The following GPM6A variants were observed in gnomAD, a reference collection of about 807,000 sequenced individuals.
GPM6A encodes glycoprotein M6A, also known as neuronal membrane glycoprotein M6-a.
A neutral mutation model predicts 32.1 loss-of-function variants in GPM6A; 7 were observed. The observed-to-expected ratio is 0.22, with a 90% CI of 0.12 to 0.41. GPM6A has a LOEUF of 0.41. Among genes scored for constraint, GPM6A ranks in the 10% least tolerant of loss-of-function variants. The probability of loss-of-function intolerance (pLI) is 1.00; values close to 1 mark genes in which losing one functional copy is unlikely to be tolerated. For synonymous variants in GPM6A, 130 were observed against 123.4 expected (o/e 1.05, Z -0.35); for missense variants, 235 against 347.2 (o/e 0.68, Z 2.57).
In GPM6A at chr4:175,750,967, C is replaced by T. The variant is rs117136847; in HGVS notation, c.38-49200G>A. The stretch of plus-strand genomic sequence containing the variant: ...TATAATTATAATCTTCAGGGAAATT[C>T]GTTTATTCGCAGATAAAGTATATGT... On this transcript the variant is annotated intron_variant, in intron 1 of 6. Coordinates refer to ENST00000393658, the MANE Select transcript of GPM6A (RefSeq NM_201591.3). Among the ~76,000 whole-genome samples the T allele has an allele frequency of 7.8e-4, 119 of 152,138 alleles. 3 individuals carry two copies. In the East Asian group the frequency reaches 0.02, roughly 26 times the overall value.
intron 1 of GPM6A, among the ~76,000 whole-genome samples, chr4:175,876,520 A>C (rs1737089285): frequency 6.6e-6 from 1 of 152,114 alleles, no homozygotes; most frequent in Admixed American, 6.6e-5. Context: ...GAGGAGATAC[A>C]TTTCTTTCTG....
At chr4:175,837,919 A>T (rs1021963635) in intron 1 of GPM6A, among the ~76,000 whole-genome samples, 1 of 152,132 alleles carries the variant, frequency 6.6e-6, no homozygotes, top group Admixed American at 6.6e-5. Flanking sequence ...AAGGGTGGCT[A>T]TCCAACCTAT....
At chr4:175,934,662 A>G (rs1010379478) in intron 1 of GPM6A, among the ~76,000 whole-genome samples, 4 of 152,222 alleles carry the variant, frequency 2.6e-5, no homozygotes, top group Admixed American at 2.6e-4. Context: ...AAAAATAAAT[A>G]TAAAAAAGAA....
At position 175,820,496 on chromosome 4, in the gene GPM6A, CTTTCTTTTTTTTTTT is replaced by C. The variant is rs1442268225; in HGVS notation, c.-22-8262_-22-8248del. The stretch of plus-strand genomic sequence containing the variant: ...TTTTGTAGGTTTTCTTTTTTCTTTT[CTTTCTTTTTTTTTTT>C]TTTTTTTGAGATGGAGTCTTGCTCT... On this transcript the variant is annotated intron_variant, in intron 1 of 7. Transcript: ENST00000280187. Among the ~76,000 whole-genome samples, 100 of 72,920 alleles carry C rather than the reference CTTTCTTTTTTTTTTT, an allele frequency of 1.4e-3. 1 individual carries two copies. Among genetic ancestry groups the C allele is most frequent in the Non-Finnish European group, 2.1e-3 (75 of 35,040 alleles). The allele number at this position is 72,920 out of a possible 152,430, so 47.8% of individuals were successfully genotyped here.
intron 2 of GPM6A, among the ~76,000 whole-genome samples, chr4:175,687,347 C>T (rs780673265): frequency 6.6e-6 from 1 of 152,054 alleles, no homozygotes; most frequent in Non-Finnish European, 1.5e-5. Context: ...AGGCCACAGC[C>T]CTGACAACCA....
intron 1 of GPM6A, among the ~76,000 whole-genome samples, chr4:175,718,073 T>C (rs1560893855): frequency 6.6e-6 from 1 of 152,190 alleles, no homozygotes; most frequent in Non-Finnish European, 1.5e-5. Flanking sequence ...AAAACAAAAA[T>C]AACAGCTGCA....
chr4:175,679,651 T>C (rs562471645), intron 2 of GPM6A, among the ~76,000 whole-genome samples: 2 of 152,312 alleles, frequency 1.3e-5, no homozygotes, highest in African/African-American at 4.8e-5. Flanking sequence ...TAGCACTAGG[T>C]ATTCTGATGC....
intron 1 of GPM6A, among the ~76,000 whole-genome samples, chr4:175,709,571 T>C (rs904466835): frequency 6.6e-6 from 1 of 151,704 alleles, no homozygotes; most frequent in Non-Finnish European, 1.5e-5. Context: ...CTGCTAAAAA[T>C]ACAAAAATTA....
intron 1 of GPM6A, among the ~76,000 whole-genome samples, chr4:175,750,415 T>C (rs1732284309): frequency 6.6e-6 from 1 of 152,156 alleles, no homozygotes; most frequent in South Asian, 2.1e-4. Flanking sequence ...AGGGTAATGA[T>C]GTCTAGGGGC....
intron 1 of GPM6A, among the ~76,000 whole-genome samples, chr4:175,941,525 G>T (rs1043598436): frequency 6.6e-6 from 1 of 152,072 alleles, no homozygotes; most frequent in Non-Finnish European, 1.5e-5. Flanking sequence ...TTCTCCAAAT[G>T]CTATCCCTCC....
intron 1 of GPM6A, among the ~76,000 whole-genome samples, chr4:175,871,515 G>T (rs909462433): frequency 2.0e-5 from 3 of 152,070 alleles, no homozygotes; most frequent in Admixed American, 6.5e-5. Context: ...CTAACAAGTA[G>T]CTGCCTTTCC....
upstream of GPM6A, chr4:175,813,160 C>T: frequency 1.3e-6 from 1 of 759,072 alleles, no homozygotes; most frequent in Non-Finnish European, 1.6e-6. Flanking sequence ...ACGAAAGCTG[C>T]TGGTTTCCAA....
At chr4:175,937,680 T>C (rs1192932666) in intron 1 of GPM6A, among the ~76,000 whole-genome samples, 3 of 152,106 alleles carry the variant, frequency 2.0e-5, no homozygotes, top group Non-Finnish European at 4.4e-5. Flanking sequence ...GTTGTAAGGA[T>C]ATGAAGGAGA....
At chr4:175,855,428 C>G (rs1274651350) in intron 1 of GPM6A, among the ~76,000 whole-genome samples, 1 of 151,968 alleles carries the variant, frequency 6.6e-6, no homozygotes, top group Non-Finnish European at 1.5e-5. Context: ...CAGACTGTTA[C>G]AAGAGAATCT....
intron 1 of GPM6A, among the ~76,000 whole-genome samples, chr4:175,754,577 C>T (rs570006779): frequency 2.8e-4 from 42 of 152,200 alleles, no homozygotes; most frequent in African/African-American, 9.6e-4. Context: ...CAATGTTAAA[C>T]TTTAGGACTA....
chr4:175,887,749 TAA>T (rs947575168), intron 1 of GPM6A, among the ~76,000 whole-genome samples: 5 of 151,932 alleles, frequency 3.3e-5, no homozygotes, highest in Admixed American at 1.3e-4. Context: ...AATAATTTCT[TAA>T]GTTTGTTGAA....
In GPM6A at chr4:175,909,047, G is replaced by GGT. The variant is rs1358565878; in HGVS notation, c.-23+93261_-23+93262insAC. Reference sequence around the variant, plus strand: ...GGCAGACAAAAAAAAAAGGGCGGGGGGGGGGCAACTAGCTCATAACCAACT... The same window carrying GGT: ...GGCAGACAAAAAAAAAAGGGCGGGGGGTGGGGGCAACTAGCTCATAACCAACT... On this transcript the variant is annotated intron_variant, in intron 1 of 7. Transcript: ENST00000280187. Among the ~76,000 whole-genome samples, 17 of 94,278 alleles carry GGT rather than the reference G, an allele frequency of 1.8e-4. No homozygotes were observed. In the East Asian group the frequency reaches 5.4e-3, roughly 30 times the overall value. The allele number at this position is 94,278 out of a possible 152,430, so 61.9% of individuals were successfully genotyped here. A position where few individuals can be genotyped will look rare whatever the true frequency, so the allele number is the denominator to read the frequency against.
chr4:175,724,421 G>A (rs1019319028), intron 1 of GPM6A, among the ~76,000 whole-genome samples: 1 of 152,148 alleles, frequency 6.6e-6, no homozygotes, highest in Non-Finnish European at 1.5e-5. Flanking sequence ...GTGGATGCCT[G>A]TAATCCCAGC....
chr4:175,886,286 G>A (rs980023321), intron 1 of GPM6A, among the ~76,000 whole-genome samples: 1 of 152,080 alleles, frequency 6.6e-6, no homozygotes, highest in Non-Finnish European at 1.5e-5. Flanking sequence ...GTATCCATAA[G>A]AGCATTATAA....
Sources: gnomAD v4.1 joint callset for allele counts (sites outside exome capture counted in the v4.1 genomes callset) on GRCh38, gnomAD v4.1.1 for gene constraint, MANE v1.5 for transcripts, NCBI Gene and HGNC (gene_info 2026-07-23, HGNC 2026-07-21) for gene names.